Variants in PAM observed in about 807,000 individuals in gnomAD.
PAM encodes the protein peptidyl-glycine alpha-amidating monooxygenase.
A neutral mutation model predicts 122.1 loss-of-function variants in PAM; 72 were observed. That is an observed-to-expected ratio of 0.59 (90% CI 0.49 to 0.72). The LOEUF (loss-of-function observed/expected upper bound fraction) is 0.72, where lower values mean the gene tolerates loss of function less well. PAM is among the 30% of genes least tolerant of loss of function. PAM has a pLI of 0.00. For missense variants in PAM, 1,106 were observed against 1,183.7 expected, an observed-to-expected ratio of 0.93 and a Z score of 0.96; for synonymous variants, 389 against 404.4, an observed-to-expected ratio of 0.96 and a Z score of 0.46.
chr5:102,783,982 C>T (rs1378781874), intron 1 of PAM, among the ~76,000 whole-genome samples: 2 of 151,718 alleles, frequency 1.3e-5, no homozygotes, highest in African/African-American at 2.4e-5. Context: ...CTGCAAGCTC[C>T]GCCTCCAGGG....
rs905606942 is a variant in PAM, at chr5:103,001,706, A to G, written c.1614-1327A>G. On this transcript the variant is annotated intron_variant, in intron 16 of 25. Coordinates refer to ENST00000438793, the MANE Select transcript of PAM (RefSeq NM_001177306.2). ...TATTTTTTAATGGCCAAAGAATATA[A>G]TTTAAGAATTTTTTTTTGTTCTCCT... is the stretch of plus-strand genomic sequence containing the variant. Among the ~76,000 whole-genome samples, 5 of 152,160 alleles carry G rather than the reference A, an allele frequency of 3.3e-5. No homozygotes were observed. In the East Asian group the frequency reaches 7.7e-4, roughly 24 times the overall value.
In PAM at chr5:103,003,089, A is replaced by C. The variant is rs1368716536; in HGVS notation, c.1670A>C (p.Asp557Ala). ...QQIGLGPIEE[D>A]TILVIDPNNA... is the part of the protein sequence containing the mutation. ...ATAGGACTCGGACCAATTGAAGAAG[A>C]CACTATTCTTGTCATAGATCCAAAT... The change falls in exon 17 of 26, where the codon GAC becomes GCC. Residue 557 changes from aspartate (D) to alanine (A), a missense_variant. Transcript: ENST00000438793. The C allele has an allele frequency of 6.2e-7, 1 of 1,609,344 alleles. No homozygotes were observed. Among genetic ancestry groups the C allele is most frequent in the Non-Finnish European group, 8.5e-7 (1 of 1,175,796 alleles).
At position 102,817,703 on chromosome 5, in the gene PAM, G is replaced by A. The variant is rs1770353772; in HGVS notation, c.-373-48120G>A. ...ACTCCTGCGGTCTAATGTCAATAGA[G>A]TGGCCACAGTAATTCTTCCAAAACA... On this transcript the variant is annotated intron_variant, in intron 1 of 25. Transcript: ENST00000438793. Among the ~76,000 whole-genome samples, 5 of 130,044 alleles carry A rather than the reference G, an allele frequency of 3.8e-5. No homozygotes were observed. The South Asian group carries it at 1.6e-3, about 40-fold the overall frequency. 85.3% of individuals were successfully genotyped at this position (130,044 alleles called of 152,430 possible).
chr5:102,839,924 T>A (rs1455293662), intron 1 of PAM, among the ~76,000 whole-genome samples: 1 of 152,164 alleles, frequency 6.6e-6, no homozygotes, highest in Non-Finnish European at 1.5e-5. Context: ...ACAAACATCA[T>A]ATATGATGCT....
chr5:102,922,586 T>C (rs1400258167), intron 5 of PAM, among the ~76,000 whole-genome samples: 5 of 152,218 alleles, frequency 3.3e-5, no homozygotes, highest in Non-Finnish European at 7.3e-5. Context: ...ACAAATGACA[T>C]AATCAAATGT....
intron 3 of PAM, among the ~76,000 whole-genome samples, chr5:102,875,932 C>T (rs1395249197): frequency 6.6e-6 from 1 of 152,226 alleles, no homozygotes; most frequent in Non-Finnish European, 1.5e-5. Context: ...ACAATGTCTT[C>T]TGACTTACAG....
At chr5:102,774,746 A>G (rs1415363305) in intron 1 of PAM, among the ~76,000 whole-genome samples, 1 of 152,172 alleles carries the variant, frequency 6.6e-6, no homozygotes, top group East Asian at 1.9e-4. Flanking sequence ...TTATCAACCC[A>G]TTGTCAGATA....
intron 1 of PAM, among the ~76,000 whole-genome samples, chr5:102,840,407 T>A (rs1281400990): frequency 2.0e-5 from 3 of 152,176 alleles, no homozygotes; most frequent in African/African-American, 4.8e-5. Context: ...TTGTACATAG[T>A]GCATTCTTAC....
intron 7 of PAM, among the ~76,000 whole-genome samples, chr5:102,939,529 T>C (rs1754388252): frequency 6.6e-6 from 1 of 152,140 alleles, no homozygotes. Context: ...CAAGGGAATG[T>C]TGAGAGAGAA....
intron 1 of PAM, among the ~76,000 whole-genome samples, chr5:102,829,283 G>A (rs1044435026): frequency 6.0e-5 from 9 of 150,742 alleles, no homozygotes; most frequent in African/African-American, 1.9e-4. Flanking sequence ...TTGAAAATAT[G>A]TTCATATAAA....
intron 1 of PAM, among the ~76,000 whole-genome samples, chr5:102,764,220 G>T (rs1753232066): frequency 6.6e-6 from 1 of 151,814 alleles, no homozygotes; most frequent in African/African-American, 2.4e-5. Flanking sequence ...TGGACTCATG[G>T]AGCTTACTTA....
intron 1 of PAM, among the ~76,000 whole-genome samples, chr5:102,793,541 A>G (rs957468917): frequency 3.9e-5 from 6 of 152,284 alleles, no homozygotes; most frequent in African/African-American, 1.4e-4. Flanking sequence ...AAACAAAACA[A>G]CAACCAAAGA....
At chr5:102,917,746 C>T (rs781330447) in intron 5 of PAM, among the ~76,000 whole-genome samples, 38 of 152,086 alleles carry the variant, frequency 2.5e-4, no homozygotes, top group Non-Finnish European at 3.5e-4. Context: ...TTAATATTAA[C>T]GCAAATAGCT....
intron 1 of PAM, among the ~76,000 whole-genome samples, chr5:102,779,918 T>TATATATATATATATATATACACAC (rs147065045): frequency 2.1e-5 from 2 of 95,676 alleles, no homozygotes; most frequent in African/African-American, 4.5e-5. Flanking sequence ...TATATATATA[T>TATATATATATATATATATACACAC]ACACACATAT....
rs560716744 is a variant in PAM, at chr5:102,760,562, A to T, written c.-374+5214A>T. ...CTCAGTTGCAGTAGCCACATTTCAA[A>T]TGCTTAATAGCCATACAAGGCTAGT... On this transcript the variant is annotated intron_variant, in intron 1 of 25. Transcript: ENST00000438793. Among the ~76,000 whole-genome samples, 28 of 152,370 alleles carry T rather than the reference A, an allele frequency of 1.8e-4. No homozygotes were observed. The South Asian group carries it at 5.8e-3, about 32-fold the overall frequency.
At chr5:102,941,082 C>T (rs1328392969) in intron 7 of PAM, among the ~76,000 whole-genome samples, 1 of 152,174 alleles carries the variant, frequency 6.6e-6, no homozygotes, top group East Asian at 1.9e-4. Context: ...CATAACTTCA[C>T]TGTAGACTCA....
chr5:102,840,757 A>G (rs13175330), intron 1 of PAM, among the ~76,000 whole-genome samples: 11,783 of 152,162 alleles, frequency 0.077, 774 homozygotes, highest in African/African-American at 0.17. Context: ...CAATCATCAC[A>G]TGCTCCTTTT....
rs773840784 is a variant in PAM, at chr5:103,009,821, C to G, written c.2286C>G (p.Asn762Lys). The G allele has an allele frequency of 1.2e-6, 2 of 1,611,518 alleles. No homozygotes were observed. The highest frequency in any genetic ancestry group is 1.7e-6 in the Non-Finnish European group (2 of 1,178,100). Residue 762 changes from asparagine (N) to lysine (K), a missense_variant, in exon 21 of 26, where the codon AAC becomes AAG. Physicochemically the swap from Asn to Lys is moderately conservative, Grantham distance 94. Coordinates refer to ENST00000438793, the MANE Select transcript of PAM (RefSeq NM_001177306.2). Reference sequence around the variant, plus strand: ...AACCTGTACAAGGATTTGTGATGAACTTTTCCAATGGGGAAATTATAGACA... The same window carrying G: ...AACCTGTACAAGGATTTGTGATGAAGTTTTCCAATGGGGAAATTATAGACA... ...DQEPVQGFVM[N>K]FSNGEIIDIF... is the part of the protein sequence containing the mutation.
chr5:102,846,147 A>G (rs546054851), intron 1 of PAM, among the ~76,000 whole-genome samples: 5 of 152,284 alleles, frequency 3.3e-5, no homozygotes, highest in African/African-American at 1.2e-4. Context: ...GTGAAAAATA[A>G]CAATGAAATA....
Sources: allele counts gnomAD v4.1 joint callset (sites outside exome capture counted in the v4.1 genomes callset), GRCh38; gene constraint gnomAD v4.1.1; transcripts MANE v1.5; gene names NCBI Gene and HGNC (gene_info 2026-07-23, HGNC 2026-07-21).